The following GLRA2 variants were observed in gnomAD, a reference collection of about 807,000 sequenced individuals.
GLRA2 encodes the protein glycine receptor subunit alpha-2.
A neutral mutation model predicts 31.6 loss-of-function variants in GLRA2; 11 were observed. The observed-to-expected ratio is 0.35, with a 90% CI of 0.22 to 0.58. The LOEUF (loss-of-function observed/expected upper bound fraction) is 0.58. Among genes scored for constraint, GLRA2 ranks in the 20% least tolerant of loss-of-function variants. GLRA2 has a pLI of 0.84. For missense variants in GLRA2, 212 were observed against 351.8 expected (o/e 0.60, Z 3.18); for synonymous variants, 132 against 134.0 (o/e 0.99, Z 0.10).
intron 7 of GLRA2, among the ~76,000 whole-genome samples, chrX:14,673,807 G>A (rs1450926588): frequency 8.9e-6 from 1 of 112,486 alleles, no homozygotes; most frequent in Non-Finnish European, 1.9e-5. Flanking sequence ...GAAAACAAAT[G>A]AAGATTGCGG....
At chrX:14,494,966 CAAGTT>C in the GLRA2 span, among the ~76,000 whole-genome samples, 1 of 111,886 alleles carries the variant, frequency 8.9e-6, no homozygotes, top group African/African-American at 3.2e-5. Context: ...TTTCATCCTC[CAAGTT>C]AAGTACAGGG....
intron 2 of GLRA2, among the ~76,000 whole-genome samples, chrX:14,561,609 A>C (rs2089734589): frequency 8.9e-6 from 1 of 112,870 alleles, no homozygotes; most frequent in Admixed American, 9.4e-5. Flanking sequence ...TGAGTTTTTA[A>C]GACAGCTCAG....
intron 8 of GLRA2, among the ~76,000 whole-genome samples, chrX:14,712,842 G>A (rs1000439927): frequency 1.8e-5 from 2 of 111,566 alleles, no homozygotes; most frequent in Non-Finnish European, 1.9e-5. Flanking sequence ...TCTAGCCACC[G>A]TGTCTAACAA....
At chrX:14,672,085 C>G (rs765984719) in intron 7 of GLRA2, among the ~76,000 whole-genome samples, 3 of 112,088 alleles carry the variant, frequency 2.7e-5, no homozygotes, top group Non-Finnish European at 5.6e-5. Flanking sequence ...CTTTTATATC[C>G]CAAGTGGGAG....
At chrX:14,513,887 C>A in the GLRA2 span, among the ~76,000 whole-genome samples, 1 of 111,738 alleles carries the variant, frequency 8.9e-6, no homozygotes, top group Non-Finnish European at 1.9e-5. Context: ...AGTAGAATTA[C>A]CATTTGATCC....
the GLRA2 span, among the ~76,000 whole-genome samples, chrX:14,471,609 GC>G: frequency 8.9e-6 from 1 of 112,124 alleles, no homozygotes; most frequent in African/African-American, 3.2e-5. Flanking sequence ...AATGCATGTA[GC>G]TAGTGATCAT....
chrX:14,680,539 C>T (rs1027409253), intron 7 of GLRA2, among the ~76,000 whole-genome samples: 4 of 111,834 alleles, frequency 3.6e-5, no homozygotes, highest in African/African-American at 9.8e-5. Flanking sequence ...GAGCTCAAAA[C>T]ATCTAAGGAT....
chrX:14,557,870 A>T (rs2089673951), intron 2 of GLRA2, among the ~76,000 whole-genome samples: 1 of 111,929 alleles, frequency 8.9e-6, no homozygotes, highest in African/African-American at 3.3e-5. Context: ...AGCCTATTTT[A>T]AAAAAAGAAG....
chrX:14,718,897 T>A (rs1328605118), intron 8 of GLRA2, among the ~76,000 whole-genome samples: 2 of 111,760 alleles, frequency 1.8e-5, no homozygotes, highest in Non-Finnish European at 3.8e-5. Context: ...CAAGCAAACA[T>A]AAGCCTGCCC....
chrX:14,526,497 G>C (rs2089187970), upstream of GLRA2, among the ~76,000 whole-genome samples: 1 of 112,094 alleles, frequency 8.9e-6, no homozygotes, highest in Non-Finnish European at 1.9e-5. Flanking sequence ...GTACAGGCAA[G>C]AGATAAAGAT....
chrX:14,629,990 A>T (rs758949332), intron 7 of GLRA2, among the ~76,000 whole-genome samples: 5 of 111,575 alleles, frequency 4.5e-5, no homozygotes, highest in African/African-American at 1.6e-4. Flanking sequence ...TATTCCACTA[A>T]TTTGAAAAAA....
chrX:14,725,141 G>A (rs1202217843), intron 8 of GLRA2, among the ~76,000 whole-genome samples: 1 of 111,851 alleles, frequency 8.9e-6, no homozygotes, highest in Non-Finnish European at 1.9e-5. Flanking sequence ...TGACTTGAAA[G>A]ATCAATTCAG....
chrX:14,510,288 G>A, the GLRA2 span, among the ~76,000 whole-genome samples: 1 of 111,772 alleles, frequency 8.9e-6, no homozygotes, highest in East Asian at 2.8e-4. Flanking sequence ...GCCTTCAACA[G>A]AAGGACAAAG....
intron 7 of GLRA2, among the ~76,000 whole-genome samples, chrX:14,628,294 T>C (rs992291420): frequency 5.4e-5 from 6 of 111,651 alleles, no homozygotes; most frequent in Non-Finnish European, 9.4e-5. Context: ...GTCTTAAAAT[T>C]GAAGGCAAAA....
chrX:14,690,681 G>C (rs756796135), intron 7 of GLRA2, 29 bp from the exon 8 acceptor site: 2 of 979,538 alleles, frequency 2.0e-6, no homozygotes, highest in African/African-American at 1.9e-5. Context: ...CTCTCTCTGT[G>C]TGTGTGTGTG....
At chrX:14,494,021 C>T in the GLRA2 span, among the ~76,000 whole-genome samples, 2 of 110,380 alleles carry the variant, frequency 1.8e-5, no homozygotes, top group Non-Finnish European at 3.8e-5. Context: ...CAACTACACA[C>T]AATAATAAGA....
intron 7 of GLRA2, among the ~76,000 whole-genome samples, chrX:14,671,760 G>A (rs1313980586): frequency 8.9e-6 from 1 of 112,859 alleles, no homozygotes; most frequent in Admixed American, 9.3e-5. Flanking sequence ...TATCTGCTAT[G>A]CACATAGTAT....
the GLRA2 span, among the ~76,000 whole-genome samples, chrX:14,511,475 G>C: frequency 9.0e-6 from 1 of 111,656 alleles, no homozygotes; most frequent in Non-Finnish European, 1.9e-5. Flanking sequence ...TGTCATGACT[G>C]TTAAACATGC....
the GLRA2 span, among the ~76,000 whole-genome samples, chrX:14,488,148 T>C: frequency 8.9e-6 from 1 of 111,941 alleles, no homozygotes; most frequent in Non-Finnish European, 1.9e-5. Flanking sequence ...AAAGCTGACA[T>C]TGGAATTTCA....
Sources: allele counts gnomAD v4.1 joint callset (sites outside exome capture counted in the v4.1 genomes callset), GRCh38; gene constraint gnomAD v4.1.1; transcripts MANE v1.5; gene names NCBI Gene and HGNC (gene_info 2026-07-23, HGNC 2026-07-21).